MAST2: variants seen among roughly 807,000 people sequenced by gnomAD.
MAST2 encodes microtubule-associated serine/threonine-protein kinase 2.
A neutral mutation model predicts 147.4 loss-of-function variants in MAST2; 70 were observed. That is an observed-to-expected ratio of 0.47 (90% CI 0.39 to 0.58). The LOEUF is 0.58. MAST2 is among the 20% of genes least tolerant of loss of function. The pLI, the probability that MAST2 is intolerant of heterozygous loss-of-function variation, is 0.00. For synonymous variants in MAST2, 869 were observed against 896.8 expected, an observed-to-expected ratio of 0.97 and a Z score of 0.55; for missense variants, 2,080 against 2,302.3, an observed-to-expected ratio of 0.90 and a Z score of 1.98.
At chr1:45,993,236 C>T (rs145753173) in intron 5 of MAST2, among the ~76,000 whole-genome samples, 1 of 152,264 alleles carries the variant, frequency 6.6e-6, no homozygotes, top group Non-Finnish European at 1.5e-5. Flanking sequence ...GCTCTTCATT[C>T]TTTTGTGCAG....
chr1:45,993,881 A>G (rs1213739319), intron 5 of MAST2, among the ~76,000 whole-genome samples: 1 of 152,156 alleles, frequency 6.6e-6, no homozygotes, highest in Non-Finnish European at 1.5e-5. Context: ...TCCTGAGTTC[A>G]GTAATTCACT....
intron 4 of MAST2, among the ~76,000 whole-genome samples, chr1:45,913,140 T>C (rs1651933944): frequency 6.6e-6 from 1 of 152,238 alleles, no homozygotes; most frequent in South Asian, 2.1e-4. Context: ...AAAATGGCAC[T>C]GAACTTTGTC....
intron 4 of MAST2, among the ~76,000 whole-genome samples, chr1:45,958,924 T>G (rs1225771358): frequency 6.6e-6 from 1 of 152,210 alleles, no homozygotes; most frequent in Non-Finnish European, 1.5e-5. Flanking sequence ...TATTCTGAAA[T>G]GAGAATATTA....
chr1:46,030,950 C>T (rs1646635524), intron 22 of MAST2, 57 bp from the exon 23 acceptor site: 5 of 1,577,306 alleles, frequency 3.2e-6, no homozygotes, highest in Non-Finnish European at 8.6e-7. Context: ...CCTAAGGAGA[C>T]CTGGCAGGAG....
At chr1:45,982,981 T>G (rs1017499763) in intron 5 of MAST2, among the ~76,000 whole-genome samples, 6 of 152,230 alleles carry the variant, frequency 3.9e-5, no homozygotes, top group Non-Finnish European at 8.8e-5. Context: ...TGCTTGTTTA[T>G]TATATTGTTG....
chr1:45,818,939 A>C (rs1185260273), intron 1 of MAST2, among the ~76,000 whole-genome samples: 1 of 152,208 alleles, frequency 6.6e-6, no homozygotes, highest in African/African-American at 2.4e-5. Context: ...ATGATGTATA[A>C]TATAATGACA....
chr1:46,010,502 G>T (rs1400135299), intron 9 of MAST2, among the ~76,000 whole-genome samples: 1 of 152,186 alleles, frequency 6.6e-6, no homozygotes, highest in Non-Finnish European at 1.5e-5. Flanking sequence ...GGGGAGATGG[G>T]CAAGACCAGG....
At chr1:46,028,702 A>G (rs1279535482) in intron 17 of MAST2, 66 bp from the exon 18 acceptor site, 2 of 1,562,334 alleles carry the variant, frequency 1.3e-6, no homozygotes, top group Non-Finnish European at 1.8e-6. Flanking sequence ...AGCATCCCCC[A>G]TCTCCGGCTG....
chr1:46,019,838 TG>T, intron 11 of MAST2, 141 bp downstream of exon 11: 1 of 722,534 alleles, frequency 1.4e-6, no homozygotes. Flanking sequence ...TTGCCACCAT[TG>T]GGGGACTAAA....
chr1:46,025,859 G>A (rs756695737), intron 16 of MAST2, 44 bp downstream of exon 16: 1 of 1,612,318 alleles, frequency 6.2e-7, no homozygotes, highest in East Asian at 2.2e-5. Flanking sequence ...CTCCCTCTTG[G>A]GTCTCCAGAT....
intron 3 of MAST2, among the ~76,000 whole-genome samples, chr1:45,877,763 A>C (rs1646667711): frequency 6.6e-6 from 1 of 152,212 alleles, no homozygotes; most frequent in South Asian, 2.1e-4. Context: ...AACAGTTCCC[A>C]GTCAGTTTTA....
rs376649366 is a variant in MAST2 at position 46,031,306 on chromosome 1, C to T, written c.2992+16C>T. ...TCCAGTCCAGGTATGGCCCAGTGGG[C>T]GGCCAAACGACCTAAGCTGGAGGAT... On this transcript the variant is annotated intron_variant, in intron 23 of 28. Coordinates refer to ENST00000361297, the MANE Select transcript of MAST2 (RefSeq NM_015112.3). The surrounding 1 kb of genome is among the most constrained non-coding windows in gnomAD (Gnocchi z 4.1). 26 of 1,541,462 alleles carry T rather than the reference C, an allele frequency of 1.7e-5. No homozygotes were observed. The highest frequency in any genetic ancestry group is 3.9e-5 in the Admixed American group (2 of 51,488).
At chr1:46,009,238 A>G (rs1645616838) in intron 9 of MAST2, among the ~76,000 whole-genome samples, 1 of 152,062 alleles carries the variant, frequency 6.6e-6, no homozygotes, top group Non-Finnish European at 1.5e-5. Flanking sequence ...TATTTTTAGT[A>G]GAGATGGGTT....
At chr1:45,999,438 G>A (rs1183977314) in intron 6 of MAST2, among the ~76,000 whole-genome samples, 4 of 152,164 alleles carry the variant, frequency 2.6e-5, no homozygotes, top group East Asian at 1.9e-4. Context: ...GAGTAGGTAC[G>A]AGCTGGGACA....
intron 4 of MAST2, among the ~76,000 whole-genome samples, chr1:45,942,013 A>G (rs1657369669): frequency 6.6e-6 from 1 of 152,246 alleles, no homozygotes; most frequent in Non-Finnish European, 1.5e-5. Context: ...CCAGTGAATA[A>G]GGTAAATGAT....
intron 4 of MAST2, among the ~76,000 whole-genome samples, chr1:45,906,626 A>G (rs974150890): frequency 4.0e-5 from 6 of 148,250 alleles, no homozygotes; most frequent in Admixed American, 3.4e-4. Flanking sequence ...ATTATATTAT[A>G]TGTTATTTTA....
At chr1:45,893,726 C>A (rs373250898) in intron 4 of MAST2, among the ~76,000 whole-genome samples, 3 of 152,010 alleles carry the variant, frequency 2.0e-5, no homozygotes, top group Admixed American at 6.6e-5. Flanking sequence ...TTCTATTAAT[C>A]ATACAATAAC....
chr1:45,961,390 G>A (rs1660395290), intron 5 of MAST2, among the ~76,000 whole-genome samples: 1 of 152,168 alleles, frequency 6.6e-6, no homozygotes, highest in Non-Finnish European at 1.5e-5. Context: ...CACAACTAAT[G>A]TGAGTACTGA....
rs1171089604 is a variant in MAST2 at position 46,031,002 on chromosome 1, CAT to C, written c.2709-3_2709-2del. On this transcript the variant is annotated splice_polypyrimidine_tract_variant and splice_region_variant and intron_variant, in intron 22 of 28. Transcript: ENST00000361297. The surrounding 1 kb of genome is among the most constrained non-coding windows in gnomAD (Gnocchi z 4.1). ...GTCACTCACCCCAGGCCTTGTGTCT[CAT>C]AGATTACGGAAGCGGCTGTCGGTGT... The C allele has an allele frequency of 3.1e-6, 5 of 1,612,250 alleles. No homozygotes were observed. Among genetic ancestry groups the C allele is most frequent in the South Asian group, 1.1e-5 (1 of 90,802 alleles).
Sources: gnomAD v4.1 joint callset for allele counts (sites outside exome capture counted in the v4.1 genomes callset) on GRCh38, gnomAD v4.1.1 for gene constraint, Gnocchi (gnomAD v3.1) non-coding constraint, MANE v1.5 for transcripts, NCBI Gene and HGNC (gene_info 2026-07-23, HGNC 2026-07-21) for gene names.